Variants in TRAK2 observed in about 807,000 individuals in gnomAD.
TRAK2 encodes the protein trafficking kinesin protein 2, also known as trafficking kinesin-binding protein 2.
A neutral mutation model predicts 104.6 loss-of-function variants in TRAK2; 81 were observed. The observed-to-expected ratio is 0.77, with a 90% confidence interval of 0.65 to 0.93. The LOEUF (loss-of-function observed/expected upper bound fraction) is 0.93. Among genes scored for constraint, TRAK2 ranks in the 40% least tolerant of loss-of-function variants. TRAK2 has a pLI of 0.00. For missense variants in TRAK2, 1,002 were observed against 1,089.0 expected, an observed-to-expected ratio of 0.92 and a Z score of 1.12; for synonymous variants, 406 against 394.4, an observed-to-expected ratio of 1.03 and a Z score of -0.35.
intron 2 of TRAK2, among the ~76,000 whole-genome samples, chr2:201,413,681 A>C (rs1025442311): frequency 1.1e-4 from 16 of 151,962 alleles, no homozygotes; most frequent in Non-Finnish European, 2.1e-4. Context: ...ACTGAGACTT[A>C]AAGATGGGTA....
chr2:201,431,400 C>G (rs1395114344), intron 1 of TRAK2, among the ~76,000 whole-genome samples: 4 of 152,190 alleles, frequency 2.6e-5, no homozygotes, highest in Non-Finnish European at 4.4e-5. Context: ...GTTATGCCCC[C>G]TCCCTCTGGA....
In TRAK2 at chr2:201,403,891, C is replaced by T. The variant is rs909912929; in HGVS notation, c.287-2797G>A. Among the ~76,000 whole-genome samples, 5 of 152,052 alleles carry T rather than the reference C, an allele frequency of 3.3e-5. 1 individual carries two copies. The highest frequency in any genetic ancestry group is 1.3e-4 in the Admixed American group (2 of 15,264). ...AATTTTCAAATTCTTATGTCGAATG[C>T]GCAACCTAGATACTACCAATCCACA... On this transcript the variant is annotated intron_variant, in intron 3 of 15. Coordinates refer to ENST00000332624, the MANE Select transcript of TRAK2 (RefSeq NM_015049.3).
chr2:201,393,308 C>A (rs1056586248), intron 9 of TRAK2, among the ~76,000 whole-genome samples: 3 of 151,982 alleles, frequency 2.0e-5, no homozygotes, highest in African/African-American at 7.3e-5. Context: ...GCTAGACTAC[C>A]AGAACTGTCA....
chr2:201,422,239 G>A (rs978718845), intron 1 of TRAK2, among the ~76,000 whole-genome samples: 3 of 151,734 alleles, frequency 2.0e-5, no homozygotes, highest in Admixed American at 6.6e-5. Flanking sequence ...TATTGGTTTG[G>A]GGGGAAAAAA....
intron 1 of TRAK2, among the ~76,000 whole-genome samples, chr2:201,440,792 G>A (rs571232702): frequency 2.0e-5 from 3 of 152,200 alleles, no homozygotes; most frequent in South Asian, 2.1e-4. Flanking sequence ...CAAGGTCATC[G>A]CCAAAGTCTG....
In TRAK2 at chr2:201,407,603, G is replaced by A. The variant is rs200966721; in HGVS notation, c.92-6C>T. ...ATCCTCATTGGAGCAGACATCTAAA[G>A]AGGAGAGTCTATGTAAATGAATCCA... On this transcript the variant is annotated splice_region_variant and splice_polypyrimidine_tract_variant and intron_variant, in intron 2 of 15. Coordinates refer to ENST00000332624, the MANE Select transcript of TRAK2 (RefSeq NM_015049.3). 4 of 1,608,524 alleles carry A rather than the reference G, an allele frequency of 2.5e-6. No individual in the cohort carries two copies. The highest frequency in any genetic ancestry group is 1.9e-4 in the Middle Eastern group (1 of 5,286).
At chr2:201,440,730 C>T (rs1559455537) in intron 1 of TRAK2, among the ~76,000 whole-genome samples, 1 of 152,258 alleles carries the variant, frequency 6.6e-6, no homozygotes, top group East Asian at 1.9e-4. Context: ...CCATTTATGC[C>T]TACTGTTCCA....
intron 4 of TRAK2, 88 bp from the exon 5 acceptor site, chr2:201,399,581 CA>C: frequency 1.1e-6 from 1 of 906,050 alleles, no homozygotes; most frequent in Non-Finnish European, 1.8e-6. Context: ...TTGGTAAAAT[CA>C]AAAGCAACGT....
At chr2:201,401,758 T>C (rs1437799581) in intron 3 of TRAK2, among the ~76,000 whole-genome samples, 1 of 152,110 alleles carries the variant, frequency 6.6e-6, no homozygotes, top group Non-Finnish European at 1.5e-5. Context: ...CTTCACAAGT[T>C]CAGGAATTGT....
chr2:201,402,796 A>C (rs1003754879), intron 3 of TRAK2, among the ~76,000 whole-genome samples: 1 of 152,214 alleles, frequency 6.6e-6, no homozygotes, highest in African/African-American at 2.4e-5. Context: ...CAAATGTAAT[A>C]TAGAGCAATG....
Position 201,380,474 on chromosome 2 carries a change from C to A in TRAK2, c.*69G>T. ...TCCTTTTCTCTCAAGTCAGACCAGA[C>A]CACATGTTTCAGTGCATATCTATCC... On this transcript the variant is annotated 3_prime_UTR_variant, in exon 16 of 16. Transcript: ENST00000332624. 3 of 1,455,470 alleles carry A rather than the reference C, an allele frequency of 2.1e-6. No individual in the cohort carries two copies. The highest frequency in any genetic ancestry group is 2.8e-6 in the Non-Finnish European group (3 of 1,059,366). The allele number at this position is 1,455,470 out of a possible 1,614,324, so 90.2% of individuals were successfully genotyped here.
In TRAK2 at chr2:201,407,462, C is replaced by T. The variant is rs539651546; in HGVS notation, c.227G>A (p.Arg76Gln). The stretch of plus-strand genomic sequence containing the variant: ...AGAGAGAGCATCAGATGCATGCTGC[C>T]GCTGGTGTGGAGACTGAGTCCAGTC... ...NQDWTQSPHQRQHASDALSPV... is the reference protein window; with the variant it reads ...NQDWTQSPHQQQHASDALSPV... Residue 76 changes from arginine (R) to glutamine (Q), a missense_variant, in exon 3 of 16, where the codon CGG becomes CAG. Coordinates refer to ENST00000332624, the MANE Select transcript of TRAK2 (RefSeq NM_015049.3). The T allele has an allele frequency of 1.7e-5, 28 of 1,613,978 alleles. No homozygotes were observed. The East Asian group carries it at 3.1e-4, about 18-fold the overall frequency.
At chr2:201,434,656 C>T (rs1200573219) in intron 1 of TRAK2, among the ~76,000 whole-genome samples, 1 of 152,104 alleles carries the variant, frequency 6.6e-6, no homozygotes, top group Non-Finnish European at 1.5e-5. Flanking sequence ...AAAAGAACAC[C>T]AAACTCTTAA....
chr2:201,428,931 T>C (rs1951816419), intron 1 of TRAK2, among the ~76,000 whole-genome samples: 1 of 152,248 alleles, frequency 6.6e-6, no homozygotes, highest in Admixed American at 6.5e-5. Flanking sequence ...TTTGAAGCAA[T>C]TGTGAATGGG....
chr2:201,397,448 A>T, intron 7 of TRAK2, 54 bp downstream of exon 7: 2 of 1,285,836 alleles, frequency 1.6e-6, no homozygotes, highest in Non-Finnish European at 2.2e-6. Context: ...AGGTGGAGAT[A>T]CCCTACCAAA....
chr2:201,431,860 T>G lies in TRAK2; in HGVS notation c.-199-11154A>C, dbSNP rs571776578. Among the ~76,000 whole-genome samples the G allele has an allele frequency of 1.2e-4, 18 of 152,270 alleles. No homozygotes were observed. In the South Asian group the frequency reaches 3.5e-3, roughly 30 times the overall value. On this transcript the variant is annotated intron_variant, in intron 1 of 15. Transcript: ENST00000332624. ...CTTGGACAAATTACTTGACCTCATT[T>G]TTTCATCTGTTAAGTGGGCCTAATA... is the stretch of plus-strand genomic sequence containing the variant.
intron 5 of TRAK2, among the ~76,000 whole-genome samples, chr2:201,398,958 G>A (rs767070394): frequency 1.9e-4 from 29 of 152,074 alleles, no homozygotes; most frequent in Admixed American, 6.5e-4. Flanking sequence ...CACTACAAAC[G>A]TTTATTGCTA....
At position 201,380,358 on chromosome 2, in the gene TRAK2, C is replaced by G. The variant is rs1951327509; in HGVS notation, c.*185G>C. 1.6e-6 allele frequency: 1 copy of G among 643,350 alleles called. No individual in the cohort carries two copies. The highest frequency in any genetic ancestry group is 1.8e-5 in the African/African-American group (1 of 54,500). 39.9% of individuals were successfully genotyped at this position (643,350 alleles called of 1,614,324 possible). A position where few individuals can be genotyped will look rare whatever the true frequency, so the allele number is the denominator to read the frequency against. ...CTCATGGCCCATTCATTTATACTTT[C>G]AATTTGCCCGACTTCCTCCATTAGG... On this transcript the variant is annotated 3_prime_UTR_variant, in exon 16 of 16. Coordinates refer to ENST00000332624, the MANE Select transcript of TRAK2 (RefSeq NM_015049.3).
At position 201,378,974 on chromosome 2, in the gene TRAK2, G is replaced by A. The variant is rs548775154; in HGVS notation, c.*1569C>T. 4.6e-5 allele frequency: 7 copies of A among 152,252 alleles called. No homozygotes were observed. Among genetic ancestry groups the A allele is most frequent in the Admixed American group, 1.3e-4 (2 of 15,284 alleles). 9.4% of individuals were successfully genotyped at this position (152,252 alleles called of 1,614,324 possible). A position where few individuals can be genotyped will look rare whatever the true frequency, so the allele number is the denominator to read the frequency against. ...GGAACCATAGGAGCAAGAGTCAAGA[G>A]TTCTTCAGAAAACTGCCTTTAAGTC... is the stretch of plus-strand genomic sequence containing the variant. On this transcript the variant is annotated 3_prime_UTR_variant, in exon 16 of 16. Coordinates refer to ENST00000332624, the MANE Select transcript of TRAK2 (RefSeq NM_015049.3).
Sources: allele counts gnomAD v4.1 joint callset (sites outside exome capture counted in the v4.1 genomes callset), GRCh38; gene constraint gnomAD v4.1.1; transcripts MANE v1.5; gene names NCBI Gene and HGNC (gene_info 2026-07-23, HGNC 2026-07-21).